The following RAB3GAP1 variants were observed in gnomAD, a reference collection of about 807,000 sequenced individuals.
RAB3GAP1 encodes rab3 GTPase-activating protein catalytic subunit.
Under a neutral mutation model 130.7 loss-of-function variants are expected in RAB3GAP1, and 86 were observed. The observed-to-expected ratio is 0.66, with a 90% CI of 0.55 to 0.79. RAB3GAP1 has a LOEUF of 0.79. Ranked by LOEUF, RAB3GAP1 falls within the 30% of genes least tolerant of loss-of-function variation. The pLI is 0.00. For missense variants in RAB3GAP1, 1,029 were observed against 1,169.4 expected, an observed-to-expected ratio of 0.88 and a Z score of 1.75; for synonymous variants, 367 against 401.7, an observed-to-expected ratio of 0.91 and a Z score of 1.03.
chr2:135,136,559 G>A (rs1045372893), intron 17 of RAB3GAP1: 3 of 233,300 alleles, frequency 1.3e-5, no homozygotes, highest in African/African-American at 2.3e-5. Flanking sequence ...AGTAGATCAC[G>A]TCATCATATA....
intron 19 of RAB3GAP1, among the ~76,000 whole-genome samples, chr2:135,159,692 C>G (rs980093474): frequency 1.3e-5 from 2 of 152,212 alleles, no homozygotes; most frequent in African/African-American, 4.8e-5. Flanking sequence ...TACATACATG[C>G]TGACAGCATT....
At chr2:135,176,108 A>G (rs1692995339) in intron 24 of RAB3GAP1, 1 of 152,174 alleles carries the variant, frequency 6.6e-6, no homozygotes, top group Non-Finnish European at 1.5e-5. Context: ...TCTGAATTGT[A>G]TATAGAAGTG....
At position 135,134,052 on chromosome 2, in the gene RAB3GAP1, A is replaced by G; in HGVS notation, c.1499+19A>G. On this transcript the variant is annotated intron_variant, in intron 15 of 23. Coordinates refer to ENST00000264158, the MANE Select transcript of RAB3GAP1 (RefSeq NM_012233.3). The stretch of plus-strand genomic sequence containing the variant: ...TTCCAGGGTAATAATTTCAATTTTC[A>G]ATTGTTTGGATACGATTTTGTTTGT... 1.2e-6 allele frequency: 2 copies of G among 1,612,928 alleles called. No homozygotes were observed. The highest frequency in any genetic ancestry group is 1.7e-6 in the Non-Finnish European group (2 of 1,179,156).
chr2:135,111,900 AG>A (rs1574120272), intron 5 of RAB3GAP1, among the ~76,000 whole-genome samples: 1 of 152,208 alleles, frequency 6.6e-6, no homozygotes, highest in African/African-American at 2.4e-5. Flanking sequence ...GCTTCTTTTT[AG>A]TAAAAATCCT....
chr2:135,096,781 A>G (rs1280812552), intron 5 of RAB3GAP1, among the ~76,000 whole-genome samples: 1 of 152,214 alleles, frequency 6.6e-6, no homozygotes, highest in Non-Finnish European at 1.5e-5. Context: ...ACTAAGAATA[A>G]TAAATAATAT....
chr2:135,093,522 G>T, intron 4 of RAB3GAP1, 93 bp from the exon 5 acceptor site: 1 of 921,682 alleles, frequency 1.1e-6, no homozygotes, highest in South Asian at 1.3e-5. Flanking sequence ...AAAACTGCAT[G>T]ATCTAGCAAG....
intron 17 of RAB3GAP1, 104 bp downstream of exon 17, chr2:135,136,036 T>G: frequency 1.3e-6 from 2 of 1,488,542 alleles, no homozygotes; most frequent in Non-Finnish European, 1.9e-6. Flanking sequence ...CCAAAAAGTC[T>G]ATGTTTAGGC....
At chr2:135,111,172 A>G (rs1470354564) in intron 5 of RAB3GAP1, among the ~76,000 whole-genome samples, 1 of 152,166 alleles carries the variant, frequency 6.6e-6, no homozygotes, top group Non-Finnish European at 1.5e-5. Context: ...TTTTTAAATC[A>G]TTACTCCTGT....
chr2:135,110,459 A>G (rs1690771302), intron 5 of RAB3GAP1, among the ~76,000 whole-genome samples: 1 of 152,244 alleles, frequency 6.6e-6, no homozygotes, highest in South Asian at 2.1e-4. Flanking sequence ...AGAATTTGTC[A>G]GGATTTGTGT....
intron 5 of RAB3GAP1, among the ~76,000 whole-genome samples, chr2:135,110,560 A>G (rs1690774338): frequency 6.6e-6 from 1 of 152,232 alleles, no homozygotes. Flanking sequence ...TAGATTGCAG[A>G]TAAATGGCAA....
chr2:135,052,444 A>T lies in RAB3GAP1; in HGVS notation c.33A>T (p.Val11=). 6.2e-7 allele frequency: 1 copy of T among 1,614,010 alleles called. No homozygotes were observed. Among genetic ancestry groups the T allele is most frequent in the Non-Finnish European group, 8.5e-7 (1 of 1,180,006 alleles). Residue 11 remains valine (V), a synonymous_variant, in exon 2 of 24, where the codon GTA becomes GTT. Transcript: ENST00000264158. The part of the protein sequence containing the change: MAADSEPESE[V]FEITDFTTAS... ...CCTTCCCGCAGCCCGAATCCGAGGTATTTGAGATCACGGACTTCACCACTG... is the reference window on the plus strand; with the variant it reads ...CCTTCCCGCAGCCCGAATCCGAGGTTTTTGAGATCACGGACTTCACCACTG...
chr2:135,079,023 A>G (rs917204675), intron 3 of RAB3GAP1, among the ~76,000 whole-genome samples: 2 of 151,952 alleles, frequency 1.3e-5, no homozygotes, highest in Non-Finnish European at 2.9e-5. Context: ...ACACGCCACC[A>G]TGCCCGGCTA....
rs142599116 is a variant in RAB3GAP1, at chr2:135,076,881, A to G, written c.151-14117A>G. 1.1e-4 allele frequency among the ~76,000 whole-genome samples: 16 copies of G among 152,344 alleles called. No homozygotes were observed. The East Asian group carries it at 2.9e-3, about 28-fold the overall frequency. ...TTCACTTAACATGAAACATGAAGTAATATCTTCAAGGTTCATTCATGTTGT... is the reference window on the plus strand; with the variant it reads ...TTCACTTAACATGAAACATGAAGTAGTATCTTCAAGGTTCATTCATGTTGT... On this transcript the variant is annotated intron_variant, in intron 3 of 23. Transcript: ENST00000264158.
chr2:135,132,208 C>G (rs958567357), intron 13 of RAB3GAP1, among the ~76,000 whole-genome samples: 2 of 152,192 alleles, frequency 1.3e-5, no homozygotes, highest in African/African-American at 4.8e-5. Context: ...TTGAGAGGAA[C>G]AGTGATAAAA....
At chr2:135,117,450 T>TCTG (rs1472064266) in intron 7 of RAB3GAP1, among the ~76,000 whole-genome samples, 53 of 88,220 alleles carry the variant, frequency 6.0e-4, no homozygotes, top group South Asian at 1.2e-3. Flanking sequence ...TTCTTCTTCT[T>TCTG]CTTCTGCTTC....
intron 3 of RAB3GAP1, among the ~76,000 whole-genome samples, chr2:135,083,593 G>T (rs955747800): frequency 1.7e-4 from 25 of 151,324 alleles, no homozygotes; most frequent in Non-Finnish European, 4.4e-5. Flanking sequence ...TTCCAAGTAG[G>T]TAGAACTATA....
chr2:135,151,598 T>TA (rs2104979674), intron 18 of RAB3GAP1, among the ~76,000 whole-genome samples: 1 of 152,328 alleles, frequency 6.6e-6, no homozygotes, highest in African/African-American at 2.4e-5. Flanking sequence ...ACTAAAATGA[T>TA]ACAGAAAATC....
chr2:135,087,623 C>CT (rs1690023840), intron 3 of RAB3GAP1, among the ~76,000 whole-genome samples: 1 of 151,982 alleles, frequency 6.6e-6, no homozygotes, highest in Non-Finnish European at 1.5e-5. Flanking sequence ...TAGATAATTT[C>CT]TTTTTTTAAT....
intron 3 of RAB3GAP1, among the ~76,000 whole-genome samples, chr2:135,081,200 G>A (rs1198770307): frequency 6.7e-6 from 1 of 149,070 alleles, no homozygotes; most frequent in Non-Finnish European, 1.5e-5. Context: ...CCAGCTACTC[G>A]GGAGGCTGAG....
Sources: allele counts gnomAD v4.1 joint callset (sites outside exome capture counted in the v4.1 genomes callset), GRCh38; gene constraint gnomAD v4.1.1; transcripts MANE v1.5; gene names NCBI Gene and HGNC (gene_info 2026-07-23, HGNC 2026-07-21).